Variants in DNAJC13 observed in about 807,000 individuals in gnomAD.
DNAJC13 encodes the protein DnaJ heat shock protein family (Hsp40) member C13.
In DNAJC13, 75 loss-of-function variants were observed where a neutral mutation model predicts 290.5. The ratio of observed to expected loss-of-function variants is 0.26; its 90% CI spans 0.21 to 0.31. DNAJC13 has a LOEUF of 0.31. Ranked by LOEUF, DNAJC13 falls within the 10% of genes least tolerant of loss-of-function variation. The probability of loss-of-function intolerance (pLI) is 1.00; values close to 1 mark genes in which losing one functional copy is unlikely to be tolerated. For missense variants in DNAJC13, 2,260 were observed against 2,674.5 expected (o/e 0.85, Z 3.42); for synonymous variants, 862 against 892.0 (o/e 0.97, Z 0.60).
rs1935240650 is a variant in DNAJC13 at position 132,496,586 on chromosome 3, T to C, written c.4079T>C (p.Ile1360Thr). 6.2e-7 allele frequency: 1 copy of C among 1,611,212 alleles called. No homozygotes were observed. Among genetic ancestry groups the C allele is most frequent in the South Asian group, 1.1e-5 (1 of 90,724 alleles). ...TTTTTATGTACCAAATCAGCAAAAA[T>C]AGTGGATGGGCCAGATCCAGAGAAT... ...YEFLCTKSAK[I>T]VDGPDPENII... The change falls in exon 36 of 56, where the codon ATA (isoleucine) becomes ACA (threonine). Residue 1360 changes from isoleucine (I) to threonine (T), a missense_variant. Around this residue, in one of 3 missense-constraint regions of DNAJC13, gnomAD observed 1,494 missense variants for 1,693.7 expected, o/e 0.88. Coordinates refer to ENST00000260818, the MANE Select transcript of DNAJC13 (RefSeq NM_015268.4).
At chr3:132,432,110 GAT>G (rs1209767271) in intron 1 of DNAJC13, among the ~76,000 whole-genome samples, 1 of 152,062 alleles carries the variant, frequency 6.6e-6, no homozygotes, top group African/African-American at 2.4e-5. Flanking sequence ...AGTATAAAAA[GAT>G]ATAAAGCAAG....
chr3:132,483,640 CG>C, intron 28 of DNAJC13, 63 bp downstream of exon 28: 1 of 1,494,766 alleles, frequency 6.7e-7, no homozygotes, highest in Non-Finnish European at 9.3e-7. Context: ...AGCATAGAAT[CG>C]GTCTGGTGTT....
intron 22 of DNAJC13, among the ~76,000 whole-genome samples, chr3:132,476,397 C>T (rs1350099984): frequency 6.6e-6 from 1 of 152,190 alleles, no homozygotes; most frequent in Non-Finnish European, 1.5e-5. Context: ...AAATTCCATA[C>T]AGTGCACCTT....
chr3:132,485,774 A>G (rs1264634498), intron 29 of DNAJC13, among the ~76,000 whole-genome samples: 1 of 152,228 alleles, frequency 6.6e-6, no homozygotes, highest in African/African-American at 2.4e-5. Context: ...TTGAGTTGGT[A>G]TTAATCTAGG....
intron 2 of DNAJC13, among the ~76,000 whole-genome samples, chr3:132,437,409 A>G (rs1162345930): frequency 6.6e-6 from 1 of 152,218 alleles, no homozygotes. Flanking sequence ...CTAAAAAGCC[A>G]TTACCTAACC....
At chr3:132,535,231 C>T (rs951777399) in intron 55 of DNAJC13, among the ~76,000 whole-genome samples, 2 of 152,214 alleles carry the variant, frequency 1.3e-5, no homozygotes, top group African/African-American at 4.8e-5. Context: ...TTTCTTCTCT[C>T]TGGCTGCTGA....
chr3:132,437,110 C>A (rs1939404607), intron 2 of DNAJC13, among the ~76,000 whole-genome samples: 1 of 151,962 alleles, frequency 6.6e-6, no homozygotes, highest in Non-Finnish European at 1.5e-5. Flanking sequence ...AACTCCTGAC[C>A]TCAAGTAATC....
intron 35 of DNAJC13, among the ~76,000 whole-genome samples, 195 bp from the exon 36 acceptor site, chr3:132,496,333 G>A (rs1337671090): frequency 1.3e-5 from 2 of 151,898 alleles, no homozygotes; most frequent in Admixed American, 1.3e-4. Context: ...ATGGTATTGA[G>A]ATCATTAGAC....
At position 132,500,889 on chromosome 3, in the gene DNAJC13, C is replaced by T. The variant is rs1302571304; in HGVS notation, c.4512C>T (p.Leu1504=). ...ITEMPSIIKD[L]CRVLYFGKSI... is the part of the protein sequence containing the mutation. ...AAATGCCTAGCATCATCAAGGATCT[C>T]TGTCGGGTACTATATTTTGGCAAGG... Residue 1504 remains leucine (L), a synonymous_variant, in exon 39 of 56, where the codon CTC becomes CTT. Coordinates refer to ENST00000260818, the MANE Select transcript of DNAJC13 (RefSeq NM_015268.4). 5.0e-6 allele frequency: 8 copies of T among 1,613,906 alleles called. No homozygotes were observed. The Admixed American group carries it at 6.7e-5, about 13-fold the overall frequency.
intron 20 of DNAJC13, among the ~76,000 whole-genome samples, chr3:132,471,029 A>C (rs1388050761): frequency 3.7e-5 from 4 of 108,216 alleles, no homozygotes; most frequent in South Asian, 3.3e-4. Context: ...TGACCCCCCC[A>C]CCTCCCTCCC....
At chr3:132,529,340 A>G (rs1213076883) in intron 54 of DNAJC13, among the ~76,000 whole-genome samples, 1 of 152,160 alleles carries the variant, frequency 6.6e-6, no homozygotes, top group African/African-American at 2.4e-5. Context: ...CTATTGATGG[A>G]CATTTGGGTT....
At chr3:132,451,543 AT>A (rs960630308) in intron 6 of DNAJC13, among the ~76,000 whole-genome samples, 108 of 151,454 alleles carry the variant, frequency 7.1e-4, no homozygotes, top group African/African-American at 2.2e-3. Context: ...ATATATAACT[AT>A]TTTTTTTTAA....
chr3:132,495,922 T>C lies in DNAJC13; in HGVS notation c.4021-606T>C, dbSNP rs879528453. ...GAAATTTTGAAATCTTTTAAATTGC[T>C]AGACTTATCAGATATTAAAACACTT... On this transcript the variant is annotated intron_variant, in intron 35 of 55. Transcript: ENST00000260818. Among the ~76,000 whole-genome samples, 5 of 152,194 alleles carry C rather than the reference T, an allele frequency of 3.3e-5. No individual in the cohort carries two copies. The East Asian group carries it at 9.6e-4, about 29-fold the overall frequency.
chr3:132,463,239 A>G (rs1012508234), intron 16 of DNAJC13, among the ~76,000 whole-genome samples: 3 of 152,242 alleles, frequency 2.0e-5, no homozygotes, highest in Non-Finnish European at 4.4e-5. Flanking sequence ...CTGTAAATAT[A>G]TATAGGCATT....
chr3:132,485,634 C>T (rs1246168573), intron 29 of DNAJC13, among the ~76,000 whole-genome samples: 2 of 152,198 alleles, frequency 1.3e-5, no homozygotes, highest in Non-Finnish European at 2.9e-5. Flanking sequence ...CTGGGAGGTA[C>T]ACCAGCAGGC....
chr3:132,506,191 T>G (rs1237896656), intron 42 of DNAJC13, among the ~76,000 whole-genome samples: 1 of 151,330 alleles, frequency 6.6e-6, no homozygotes, highest in Non-Finnish European at 1.5e-5. Flanking sequence ...TAGCTGGGAT[T>G]ACAGGCATGC....
intron 55 of DNAJC13, among the ~76,000 whole-genome samples, chr3:132,536,684 A>C (rs909289696): frequency 1.3e-5 from 2 of 152,148 alleles, no homozygotes; most frequent in African/African-American, 2.4e-5. Flanking sequence ...AGTTCAGAGA[A>C]TATGAGGGTG....
At chr3:132,485,574 G>C (rs1351650622) in intron 29 of DNAJC13, among the ~76,000 whole-genome samples, 1 of 152,188 alleles carries the variant, frequency 6.6e-6, no homozygotes, top group Non-Finnish European at 1.5e-5. Flanking sequence ...TTTAATATCT[G>C]AAAAGTGATT....
At chr3:132,464,811 T>C (rs559600058) in intron 17 of DNAJC13, among the ~76,000 whole-genome samples, 2 of 152,306 alleles carry the variant, frequency 1.3e-5, no homozygotes, top group East Asian at 1.9e-4. Context: ...GCTTGTTGTG[T>C]TTCTCTTCAG....
Sources: allele counts gnomAD v4.1 joint callset (sites outside exome capture counted in the v4.1 genomes callset), GRCh38; gene constraint gnomAD v4.1.1; regional missense constraint gnomAD v4.1.1; transcripts MANE v1.5; gene names NCBI Gene and HGNC (gene_info 2026-07-23, HGNC 2026-07-21).